The following SNAP25 variants were observed in gnomAD, a reference collection of about 807,000 sequenced individuals.
The protein encoded by SNAP25 is synaptosomal-associated protein 25.
A neutral mutation model predicts 28.7 loss-of-function variants in SNAP25; 3 were observed. The ratio of observed to expected loss-of-function variants is 0.10; its 90% CI spans 0.05 to 0.27. The LOEUF is 0.27. Among genes scored for constraint, SNAP25 ranks in the 10% least tolerant of loss-of-function variants. SNAP25 has a pLI of 1.00. For synonymous variants in SNAP25, 61 were observed against 88.1 expected, an observed-to-expected ratio of 0.69 and a Z score of 1.72; for missense variants, 117 against 278.7, an observed-to-expected ratio of 0.42 and a Z score of 4.13.
At chr20:10,282,331 A>G (rs1367503578) in intron 3 of SNAP25, among the ~76,000 whole-genome samples, 2 of 152,112 alleles carry the variant, frequency 1.3e-5, no homozygotes, top group Non-Finnish European at 2.9e-5. Context: ...AAACGTGGAG[A>G]AACATTCTGG....
intron 7 of SNAP25, among the ~76,000 whole-genome samples, chr20:10,301,083 C>T (rs530017760): frequency 6.6e-6 from 1 of 152,242 alleles, no homozygotes; most frequent in East Asian, 1.9e-4. Context: ...CCAGAAGGAG[C>T]GTCTTTACTA....
chr20:10,291,103 C>T lies in SNAP25; in HGVS notation c.164-2058C>T, dbSNP rs574902051. 7.3e-4 allele frequency among the ~76,000 whole-genome samples: 111 copies of T among 152,118 alleles called. 1 individual carries two copies. Among genetic ancestry groups the T allele is most frequent in the Admixed American group, 1.4e-3 (21 of 15,260 alleles). ...AATTTTTATTTTTGGGACGGAGTTTCGCTCTTGTTGCCCAAGCTGGAATGC... is the reference window on the plus strand; with the variant it reads ...AATTTTTATTTTTGGGACGGAGTTTTGCTCTTGTTGCCCAAGCTGGAATGC... On this transcript the variant is annotated intron_variant, in intron 4 of 7. Coordinates refer to ENST00000254976, the MANE Select transcript of SNAP25 (RefSeq NM_130811.4).
intron 1 of SNAP25, among the ~76,000 whole-genome samples, chr20:10,259,452 C>A (rs563273142): frequency 6.6e-6 from 1 of 152,294 alleles, no homozygotes; most frequent in Non-Finnish European, 1.5e-5. Context: ...AGTCCATCAG[C>A]ATTCTAATCT....
chr20:10,297,351 A>G (rs1307922721), intron 6 of SNAP25, among the ~76,000 whole-genome samples: 1 of 152,138 alleles, frequency 6.6e-6, no homozygotes, highest in Non-Finnish European at 1.5e-5. Context: ...CAAGGGGGCA[A>G]GCCTCAGTGC....
rs1285944911 is a variant in SNAP25, at chr20:10,299,249, C to G, written c.408-19C>G. On this transcript the variant is annotated intron_variant, in intron 6 of 7. Coordinates refer to ENST00000254976, the MANE Select transcript of SNAP25 (RefSeq NM_130811.4). ...GTTTTCCACCCTCTGTCTTCTAAAA[C>G]TTGCTCTTTGGATCCCAGGGTAACA... is the stretch of plus-strand genomic sequence containing the variant. 6.2e-7 allele frequency: 1 copy of G among 1,612,588 alleles called. No individual in the cohort carries two copies. The highest frequency in any genetic ancestry group is 8.5e-7 in the Non-Finnish European group (1 of 1,179,246).
chr20:10,230,825 TA>T (rs2122661199), intron 1 of SNAP25, among the ~76,000 whole-genome samples: 1 of 152,308 alleles, frequency 6.6e-6, no homozygotes, highest in African/African-American at 2.4e-5. Flanking sequence ...TCTGATTTAG[TA>T]ATGAAGATGC....
intron 1 of SNAP25, among the ~76,000 whole-genome samples, chr20:10,223,315 C>A (rs2062668241): frequency 1.3e-5 from 2 of 152,144 alleles, no homozygotes; most frequent in Admixed American, 6.5e-5. Context: ...CTTCAAAAAT[C>A]CAAATGCTGA....
At chr20:10,296,865 A>G (rs2064123364) in intron 5 of SNAP25, 60 bp from the exon 6 acceptor site, 4 of 1,607,638 alleles carry the variant, frequency 2.5e-6, no homozygotes, top group African/African-American at 2.7e-5. Context: ...AGAAGTGACA[A>G]TTGTTGAGAG....
In SNAP25 at chr20:10,236,687, G is replaced by A. The variant is rs536897883; in HGVS notation, c.-64+17710G>A. 1.3e-3 allele frequency among the ~76,000 whole-genome samples: 195 copies of A among 152,168 alleles called. 1 individual carries two copies. The highest frequency in any genetic ancestry group is 4.4e-3 in the African/African-American group (183 of 41,516). ...CTGAAGGCCTTTCAGCTGTGTTGCC[G>A]CGTCATGGAAAACAAGCCAAGCAAC... is the stretch of plus-strand genomic sequence containing the variant. On this transcript the variant is annotated intron_variant, in intron 1 of 7. Transcript: ENST00000254976.
At chr20:10,234,485 GTACT>G (rs2062882778) in intron 1 of SNAP25, among the ~76,000 whole-genome samples, 1 of 152,192 alleles carries the variant, frequency 6.6e-6, no homozygotes, top group Non-Finnish European at 1.5e-5. Context: ...TTAAGGCAGG[GTACT>G]TCCTCTCCAA....
chr20:10,264,119 G>T (rs189053490), intron 1 of SNAP25, among the ~76,000 whole-genome samples: 5 of 152,200 alleles, frequency 3.3e-5, no homozygotes, highest in Admixed American at 2.0e-4. Flanking sequence ...TTACAATTAA[G>T]AAATGCCAAT....
In SNAP25 at chr20:10,293,291, T is replaced by A; in HGVS notation, c.281+13T>A. ...GTCCCTGTAACAAGTAGGTGCTGCC[T>A]GCCTGCCTGAAGCTTTGATTTCCCA... On this transcript the variant is annotated intron_variant, in intron 5 of 7. Transcript: ENST00000254976. The surrounding 1 kb of genome is among the most constrained non-coding windows in gnomAD (Gnocchi z 5.6). 6.3e-7 allele frequency: 1 copy of A among 1,599,874 alleles called. No individual in the cohort carries two copies. Among genetic ancestry groups the A allele is most frequent in the Non-Finnish European group, 8.6e-7 (1 of 1,167,210 alleles).
At chr20:10,257,525 C>G (rs999220594) in intron 1 of SNAP25, among the ~76,000 whole-genome samples, 2 of 152,154 alleles carry the variant, frequency 1.3e-5, no homozygotes, top group African/African-American at 4.8e-5. Flanking sequence ...CCAGCCCAAC[C>G]AACATGGAGA....
At chr20:10,234,548 A>G (rs2062884016) in intron 1 of SNAP25, among the ~76,000 whole-genome samples, 1 of 152,164 alleles carries the variant, frequency 6.6e-6, no homozygotes, top group African/African-American at 2.4e-5. Context: ...AATTTTCATT[A>G]TTCTCCCAGC....
chr20:10,283,884 A>T (rs758461563), intron 3 of SNAP25, among the ~76,000 whole-genome samples: 6 of 152,224 alleles, frequency 3.9e-5, no homozygotes, highest in Non-Finnish European at 7.3e-5. Flanking sequence ...ATTCTTAAGT[A>T]TGAGTGATAC....
intron 1 of SNAP25, among the ~76,000 whole-genome samples, chr20:10,222,138 G>A (rs1367118375): frequency 6.6e-6 from 1 of 152,196 alleles, no homozygotes; most frequent in Admixed American, 6.5e-5. Flanking sequence ...TGAATCCCAT[G>A]GGAGTTATAA....
At chr20:10,281,567 G>A (rs1489045785) in intron 3 of SNAP25, among the ~76,000 whole-genome samples, 2 of 152,118 alleles carry the variant, frequency 1.3e-5, no homozygotes, top group African/African-American at 4.8e-5. Flanking sequence ...GGAACTTGAG[G>A]TACACAGTGG....
At chr20:10,292,230 G>A (rs896197031) in intron 4 of SNAP25, among the ~76,000 whole-genome samples, 36 of 152,218 alleles carry the variant, frequency 2.4e-4, no homozygotes, top group African/African-American at 8.4e-4. Context: ...TAGGATGATA[G>A]AGGAATTGCA....
At chr20:10,297,918 A>G (rs1474641873) in intron 6 of SNAP25, among the ~76,000 whole-genome samples, 1 of 152,198 alleles carries the variant, frequency 6.6e-6, no homozygotes, top group African/African-American at 2.4e-5. Context: ...TTTGAAACCT[A>G]GAATCAAAAG....
Sources: gnomAD v4.1 joint callset for allele counts (sites outside exome capture counted in the v4.1 genomes callset) on GRCh38, gnomAD v4.1.1 for gene constraint, Gnocchi (gnomAD v3.1) non-coding constraint, MANE v1.5 for transcripts, NCBI Gene and HGNC (gene_info 2026-07-23, HGNC 2026-07-21) for gene names.